The following GREB1 variants were observed in gnomAD, a reference collection of about 807,000 sequenced individuals.
GREB1 encodes the protein protein GREB1.
A neutral mutation model predicts 200.7 loss-of-function variants in GREB1; 106 were observed. The ratio of observed to expected loss-of-function variants is 0.53; its 90% CI spans 0.45 to 0.62. GREB1 has a LOEUF of 0.62. Ranked by LOEUF, GREB1 falls within the 20% of genes least tolerant of loss-of-function variation. The pLI is 0.00. For missense variants in GREB1, 2,243 were observed against 2,556.8 expected, an observed-to-expected ratio of 0.88 and a Z score of 2.65; for synonymous variants, 1,132 against 1,092.4, an observed-to-expected ratio of 1.04 and a Z score of -0.72.
intron 32 of GREB1, among the ~76,000 whole-genome samples, chr2:11,639,376 A>T (rs996084641): frequency 2.0e-5 from 3 of 152,226 alleles, no homozygotes; most frequent in Non-Finnish European, 4.4e-5. Flanking sequence ...GGCGTGAGCC[A>T]CCGCACCAGC....
intron 1 of GREB1, among the ~76,000 whole-genome samples, chr2:11,501,628 A>G (rs1232666146): frequency 6.6e-6 from 1 of 152,024 alleles, no homozygotes; most frequent in Non-Finnish European, 1.5e-5. Flanking sequence ...TCCTGACCTC[A>G]GGTGATACAC....
In GREB1 at chr2:11,634,290, G is replaced by T. The variant is rs1685129470; in HGVS notation, c.5151G>T (p.Val1717=). The T allele has an allele frequency of 6.2e-7, 1 of 1,614,090 alleles. No homozygotes were observed. The highest frequency in any genetic ancestry group is 1.3e-5 in the African/African-American group (1 of 74,956). ...EVQEPFSRCH[V]HNFIILNVDL... ...AAGAGCCCTTCTCCCGCTGCCACGT[G>T]CACAACTTCATCATCCTGAACGTGG... The change falls in exon 29 of 33, where the codon GTG becomes GTT. Residue 1717 remains valine, a synonymous_variant. Transcript: ENST00000381486.
chr2:11,588,966 G>A, intron 10 of GREB1, 35 bp downstream of exon 10: 9 of 1,574,674 alleles, frequency 5.7e-6, no homozygotes, highest in Non-Finnish European at 7.9e-6. Flanking sequence ...CAGTGGCAGG[G>A]AGTGGCCACA....
At chr2:11,551,905 G>T (rs1405666082) in intron 1 of GREB1, among the ~76,000 whole-genome samples, 1 of 152,164 alleles carries the variant, frequency 6.6e-6, no homozygotes, top group East Asian at 1.9e-4. Flanking sequence ...AGCACTTATG[G>T]ACAATAGTGC....
At chr2:11,554,894 A>G (rs1676283934) in intron 1 of GREB1, among the ~76,000 whole-genome samples, 2 of 152,240 alleles carry the variant, frequency 1.3e-5, no homozygotes, top group South Asian at 4.1e-4. Context: ...GAAATAAATA[A>G]TATGAAGCTG....
In GREB1 at chr2:11,505,782, G is replaced by A. The variant is rs572423268; in HGVS notation, c.-159+23401G>A. Among the ~76,000 whole-genome samples the A allele has an allele frequency of 2.4e-3, 371 of 152,226 alleles. 3 individuals carry two copies. The highest frequency in any genetic ancestry group is 0.01 in the Middle Eastern group (3 of 294). On this transcript the variant is annotated intron_variant, in intron 1 of 2. Coordinates refer to the GREB1 transcript ENST00000628795. Reference sequence around the variant, plus strand: ...GGATTGCTTGAGCCCAGGAGAACGAGGGTGCAGTGAGCTGTGATCACACCA... The same window carrying A: ...GGATTGCTTGAGCCCAGGAGAACGAAGGTGCAGTGAGCTGTGATCACACCA...
intron 3 of GREB1, among the ~76,000 whole-genome samples, chr2:11,563,629 C>T (rs1397090828): frequency 2.0e-5 from 3 of 152,316 alleles, no homozygotes; most frequent in East Asian, 1.9e-4. Context: ...TGAATAGCTG[C>T]GGGCCAATCA....
intron 30 of GREB1, among the ~76,000 whole-genome samples, chr2:11,637,361 G>T (rs2148454601): frequency 6.6e-6 from 1 of 152,114 alleles, no homozygotes; most frequent in East Asian, 1.9e-4. Context: ...GGGCTGGGCG[G>T]GATGGGGACA....
At position 11,583,020 on chromosome 2, in the gene GREB1, T is replaced by TA. The variant is rs146791515; in HGVS notation, c.902-2140dup. On this transcript the variant is annotated intron_variant, in intron 7 of 32. Coordinates refer to ENST00000381486, the MANE Select transcript of GREB1 (RefSeq NM_014668.4). ...GCACAATGTCCCGCACCAAACAGGC[T>TA]ACATAATGAGTCATCTCCAAAAAAT... Among the ~76,000 whole-genome samples the TA allele has an allele frequency of 9.5e-3, 1,444 of 152,270 alleles. 24 individuals are homozygous for TA. The highest frequency in any genetic ancestry group is 0.033 in the African/African-American group (1,357 of 41,558).
chr2:11,631,749 CCT>C (rs1684892981), intron 26 of GREB1, among the ~76,000 whole-genome samples, 158 bp from the exon 27 acceptor site: 1 of 152,156 alleles, frequency 6.6e-6, no homozygotes, highest in African/African-American at 2.4e-5. Flanking sequence ...GGCCATTTTT[CCT>C]CCCTTTTACT....
chr2:11,529,293 G>A (rs768520261), upstream of GREB1, among the ~76,000 whole-genome samples: 4 of 152,166 alleles, frequency 2.6e-5, no homozygotes, highest in Non-Finnish European at 4.4e-5. Flanking sequence ...AAACTGAGGC[G>A]CTGGCTTAGG....
Position 11,597,834 on chromosome 2 carries a change from A to G in GREB1, c.2008A>G (p.Lys670Glu). ...GCCCTTCCAGCTGGCAGTAGCGCAG[A>G]AGCTCCTCTCCCATGTGTGTTCCAT... The part of the protein sequence containing the change: ...IRPFQLAVAQ[K>E]LLSHVCSIAD... The change falls in exon 14 of 33, where the codon AAG becomes GAG. Residue 670 changes from lysine (K) to glutamate (E), a missense_variant. Physicochemically the swap from Lys to Glu is moderately conservative, Grantham distance 56. This residue lies in a region of GREB1 where 1,178 missense variants were observed against 1,387.4 expected (regional missense o/e 0.85). Transcript: ENST00000381486. This position sits in a 1 kb window ranked among gnomAD's most constrained non-coding sequence, Gnocchi z 4.1. The G allele has an allele frequency of 6.2e-7, 1 of 1,614,140 alleles. No homozygotes were observed.
chr2:11,543,699 TGAA>T (rs1308171363), intron 1 of GREB1, among the ~76,000 whole-genome samples: 1 of 152,242 alleles, frequency 6.6e-6, no homozygotes, highest in African/African-American at 2.4e-5. Flanking sequence ...TCTCATAACT[TGAA>T]GAGACCTGTA....
Position 11,595,282 on chromosome 2 carries a change from C to G in GREB1, c.1728C>G (p.Ser576Arg), listed in dbSNP as rs1572859113. The G allele has an allele frequency of 1.9e-6, 3 of 1,613,650 alleles. No individual in the cohort carries two copies. Among genetic ancestry groups the G allele is most frequent in the Non-Finnish European group, 2.5e-6 (3 of 1,179,656 alleles). The change falls in exon 12 of 33, where the codon AGC becomes AGG. Residue 576 changes from serine (S) to arginine (R), a missense_variant. This residue lies in a region of GREB1 where 1,178 missense variants were observed against 1,387.4 expected (regional missense o/e 0.85). Transcript: ENST00000381486. ...GKYQARILSE[S>R]LLTPAEYQKE... ...ACCAAGCCCGGATTCTTTCCGAGAG[C>G]CTTCTCACTCCTGCGGAGTACCAGA...
At chr2:11,570,501 G>T (rs1428541169) in intron 4 of GREB1, among the ~76,000 whole-genome samples, 1 of 150,044 alleles carries the variant, frequency 6.7e-6, no homozygotes, top group African/African-American at 2.4e-5. Flanking sequence ...AATATTCAGG[G>T]TGTTCGAATT....
Position 11,517,984 on chromosome 2 carries a change from G to A in GREB1, c.-159+35603G>A, listed in dbSNP as rs149596412. 2.3e-3 allele frequency among the ~76,000 whole-genome samples: 356 copies of A among 152,336 alleles called. 1 individual carries two copies. Among genetic ancestry groups the A allele is most frequent in the African/African-American group, 8.2e-3 (339 of 41,568 alleles). Reference sequence around the variant, plus strand: ...AGATGCTGGTAACTTCACAATACCCGGAGAGTTTTCCAAGGAGTGAGTTTG... The same window carrying A: ...AGATGCTGGTAACTTCACAATACCCAGAGAGTTTTCCAAGGAGTGAGTTTG... On this transcript the variant is annotated intron_variant, in intron 1 of 2. Transcript: ENST00000628795.
At chr2:11,599,771 C>T (rs937792151) in intron 15 of GREB1, among the ~76,000 whole-genome samples, 15 of 152,288 alleles carry the variant, frequency 9.8e-5, no homozygotes, top group Non-Finnish European at 1.8e-4. Context: ...CCGCCCGCCT[C>T]GGCCTCCCAA....
chr2:11,581,547 G>C (rs967724807), intron 7 of GREB1, among the ~76,000 whole-genome samples: 1 of 152,202 alleles, frequency 6.6e-6, no homozygotes, highest in Admixed American at 6.5e-5. Context: ...GGGCTGAGCA[G>C]ACCTCCTGCC....
At chr2:11,604,982 A>G (rs1682116297) in intron 17 of GREB1, among the ~76,000 whole-genome samples, 1 of 151,338 alleles carries the variant, frequency 6.6e-6, no homozygotes, top group East Asian at 1.9e-4. Context: ...ACCTTTGACA[A>G]CTCCTATTTT....
Sources: gnomAD v4.1 joint callset for allele counts (sites outside exome capture counted in the v4.1 genomes callset) on GRCh38, gnomAD v4.1.1 for gene constraint, gnomAD v4.1.1 regional missense constraint, Gnocchi (gnomAD v3.1) non-coding constraint, MANE v1.5 for transcripts, NCBI Gene and HGNC (gene_info 2026-07-23, HGNC 2026-07-21) for gene names.